PTPRD: variants seen among roughly 807,000 people sequenced by gnomAD.
PTPRD encodes the protein protein tyrosine phosphatase receptor type D.
Under a neutral mutation model 214.5 loss-of-function variants are expected in PTPRD, and 34 were observed. The observed-to-expected ratio is 0.16, with a 90% CI of 0.12 to 0.21. The LOEUF (loss-of-function observed/expected upper bound fraction) is 0.21. Ranked by LOEUF, PTPRD falls within the 10% of genes least tolerant of loss-of-function variation. The probability of loss-of-function intolerance (pLI) is 1.00; values close to 1 mark genes in which losing one functional copy is unlikely to be tolerated. For missense variants in PTPRD, 2,545 were observed against 2,398.7 expected, an observed-to-expected ratio of 1.06 and a Z score of -1.27; for synonymous variants, 1,128 against 845.7, an observed-to-expected ratio of 1.33 and a Z score of -5.79.
At chr9:9,629,236 G>GTATATATATA (rs1253086328) in intron 7 of PTPRD, among the ~76,000 whole-genome samples, 1 of 108,862 alleles carries the variant, frequency 9.2e-6, no homozygotes, top group African/African-American at 4.5e-5. Context: ...ATGTGTGTGT[G>GTATATATATA]TGTATATATA....
intron 5 of PTPRD, among the ~76,000 whole-genome samples, chr9:9,796,627 A>G (rs2099004222): frequency 6.6e-6 from 1 of 152,164 alleles, no homozygotes; most frequent in African/African-American, 2.4e-5. Flanking sequence ...ACCAAAGCAC[A>G]TAAAAGAAGA....
intron 8 of PTPRD, among the ~76,000 whole-genome samples, chr9:9,463,273 A>G (rs1472180939): frequency 1.3e-5 from 2 of 152,164 alleles, no homozygotes; most frequent in African/African-American, 4.8e-5. Context: ...TTAAATTTGG[A>G]AAGATAAACA....
At chr9:8,709,804 T>G (rs1338135775) in intron 12 of PTPRD, among the ~76,000 whole-genome samples, 1 of 152,108 alleles carries the variant, frequency 6.6e-6, no homozygotes, top group Non-Finnish European at 1.5e-5. Flanking sequence ...AAAAAGTGAC[T>G]AGAGTTATAA....
chr9:10,343,949 C>T (rs932037438), intron 2 of PTPRD, among the ~76,000 whole-genome samples: 134 of 86,704 alleles, frequency 1.5e-3, no homozygotes, highest in Non-Finnish European at 1.9e-3. Flanking sequence ...TTCTCCCATT[C>T]TGTAGGTTGC....
At chr9:9,577,157 A>G (rs1038707482) in intron 7 of PTPRD, among the ~76,000 whole-genome samples, 1 of 152,184 alleles carries the variant, frequency 6.6e-6, no homozygotes, top group Non-Finnish European at 1.5e-5. Flanking sequence ...TCCAAATCAG[A>G]TAGGTAATTT....
intron 11 of PTPRD, among the ~76,000 whole-genome samples, chr9:8,903,526 A>C (rs893947832): frequency 1.3e-5 from 2 of 152,204 alleles, no homozygotes; most frequent in African/African-American, 4.8e-5. Context: ...GCTTCAAATC[A>C]GTAGGTTTGA....
chr9:9,395,217 G>T (rs746255577), intron 9 of PTPRD, among the ~76,000 whole-genome samples: 3 of 151,332 alleles, frequency 2.0e-5, no homozygotes, highest in Admixed American at 6.6e-5. Context: ...GGGTCTAATA[G>T]GTCCTTGCTA....
intron 9 of PTPRD, among the ~76,000 whole-genome samples, chr9:9,255,873 T>G (rs1283533120): frequency 6.6e-6 from 1 of 152,032 alleles, no homozygotes; most frequent in Non-Finnish European, 1.5e-5. Context: ...TTGTTTGACT[T>G]CAGGATTCAG....
At chr9:9,960,528 T>C (rs2094289150) in intron 4 of PTPRD, among the ~76,000 whole-genome samples, 1 of 152,110 alleles carries the variant, frequency 6.6e-6, no homozygotes, top group African/African-American at 2.4e-5. Flanking sequence ...AGCGAGGTGA[T>C]CAAGGCCAGT....
At chr9:9,117,865 G>A (rs2099813824) in intron 10 of PTPRD, among the ~76,000 whole-genome samples, 1 of 151,880 alleles carries the variant, frequency 6.6e-6, no homozygotes, top group Non-Finnish European at 1.5e-5. Flanking sequence ...ATGTATGGTA[G>A]AGGCAAAGAA....
At chr9:10,528,130 C>G (rs527920453) in intron 2 of PTPRD, among the ~76,000 whole-genome samples, 11 of 152,208 alleles carry the variant, frequency 7.2e-5, no homozygotes, top group African/African-American at 2.6e-4. Context: ...TGATGCAGAT[C>G]TCTACAGTGA....
chr9:8,720,260 G>A (rs1378536303), intron 12 of PTPRD, among the ~76,000 whole-genome samples: 1 of 152,098 alleles, frequency 6.6e-6, no homozygotes, highest in Admixed American at 6.6e-5. Flanking sequence ...CCCTCTCTGT[G>A]GGGTCCCTTC....
At chr9:9,424,225 C>A (rs1361306480) in intron 8 of PTPRD, among the ~76,000 whole-genome samples, 2 of 152,160 alleles carry the variant, frequency 1.3e-5, no homozygotes, top group African/African-American at 2.4e-5. Context: ...TCTCTCTCTG[C>A]CCATTCAGAC....
chr9:9,794,512 AC>A (rs79046585), intron 5 of PTPRD, among the ~76,000 whole-genome samples: 34,726 of 151,906 alleles, frequency 0.23, 4,127 homozygotes, highest in South Asian at 0.26. Context: ...TATGTAGATG[AC>A]AAAAATAGAG....
At chr9:9,808,138 T>A (rs888082590) in intron 5 of PTPRD, among the ~76,000 whole-genome samples, 1 of 152,212 alleles carries the variant, frequency 6.6e-6, no homozygotes, top group African/African-American at 2.4e-5. Flanking sequence ...CTAATCCTTA[T>A]GTTTGAAATT....
intron 10 of PTPRD, among the ~76,000 whole-genome samples, chr9:9,051,406 G>C (rs1220420253): frequency 6.6e-6 from 1 of 152,140 alleles, no homozygotes; most frequent in Admixed American, 6.6e-5. Context: ...TCAGGTGAAA[G>C]TATACAGAAT....
chr9:9,879,640 C>G (rs2068001628), intron 5 of PTPRD, among the ~76,000 whole-genome samples: 1 of 152,122 alleles, frequency 6.6e-6, no homozygotes, highest in African/African-American at 2.4e-5. Flanking sequence ...AATATACTGA[C>G]TAAAATTGAC....
chr9:8,489,602 G>C (rs1042142586), intron 27 of PTPRD, among the ~76,000 whole-genome samples: 3 of 152,200 alleles, frequency 2.0e-5, no homozygotes, highest in Non-Finnish European at 4.4e-5. Context: ...GTCACACGAA[G>C]CGATGCCTAA....
At chr9:10,267,434 T>C (rs1418923203) in intron 3 of PTPRD, among the ~76,000 whole-genome samples, 1 of 152,158 alleles carries the variant, frequency 6.6e-6, no homozygotes, top group African/African-American at 2.4e-5. Context: ...AGAGTCGTGG[T>C]TTATGAATAA....
Sources: allele counts gnomAD v4.1 joint callset (sites outside exome capture counted in the v4.1 genomes callset), GRCh38; gene constraint gnomAD v4.1.1; transcripts MANE v1.5; gene names NCBI Gene and HGNC (gene_info 2026-07-23, HGNC 2026-07-21).